EDEM2: variants seen among roughly 807,000 people sequenced by gnomAD.
EDEM2 encodes ER degradation enhancing alpha-mannosidase like protein 2.
EDEM2 carries 39 observed loss-of-function variants against 64.8 expected under a neutral mutation model. The ratio of observed to expected loss-of-function variants is 0.60; its 90% CI spans 0.47 to 0.79. EDEM2 has a LOEUF of 0.79. Ranked by LOEUF, EDEM2 falls within the 30% of genes least tolerant of loss-of-function variation. EDEM2 has a pLI of 0.00. For synonymous variants in EDEM2, 296 were observed against 291.5 expected (o/e 1.02, Z -0.16); for missense variants, 609 against 731.3 (o/e 0.83, Z 1.93).
intron 10 of EDEM2, among the ~76,000 whole-genome samples, chr20:35,118,214 A>G (rs1378129385): frequency 1.3e-5 from 2 of 152,226 alleles, no homozygotes; most frequent in Admixed American, 1.3e-4. Context: ...AAGGAGTCCC[A>G]GGTTTGAATA....
Position 35,144,987 on chromosome 20 carries a change from T to C in EDEM2, c.250A>G (p.Thr84Ala), listed in dbSNP as rs781256900. 1 of 1,613,980 alleles carries C rather than the reference T, an allele frequency of 6.2e-7. No homozygotes were observed. The highest frequency in any genetic ancestry group is 2.2e-5 in the East Asian group (1 of 44,882). ...FSLTLIDALD[T>A]LLILGNVSEF... ...ACAGACGAGATACTTACCAGCAAGG[T>C]GTCCAGTGCATCAATTAGAGTCAGA... Residue 84 changes from threonine to alanine, a missense_variant, in exon 3 of 11, where the codon ACC becomes GCC. Transcript: ENST00000374492.
Position 35,115,453 on chromosome 20 carries a change from C to G in EDEM2, c.1717G>C (p.Val573Leu). ...AGTGGTTATGAGGAGTCTAGGAAAA[C>G]CTGTCCCAGTAATGCCAACTTGGAG... ...FTSKLALLGQ[V>L]FLDSS Residue 573 changes from valine to leucine, a missense_variant, in exon 11 of 11, where the codon GTT becomes CTT. By Grantham distance (32) the Val-to-Leu change is conservative. Coordinates refer to ENST00000374492, the MANE Select transcript of EDEM2 (RefSeq NM_018217.3). 1 of 1,613,670 alleles carries G rather than the reference C, an allele frequency of 6.2e-7. No individual in the cohort carries two copies.
intron 2 of EDEM2, 34 bp downstream of exon 2, chr20:35,146,791 C>T (rs763302301): frequency 1.9e-6 from 3 of 1,606,064 alleles, no homozygotes; most frequent in Admixed American, 1.7e-5. Context: ...GAGAGTCAGA[C>T]CCTGGCCGCC....
At chr20:35,145,277 G>T (rs1320861707) in intron 2 of EDEM2, among the ~76,000 whole-genome samples, 1 of 152,162 alleles carries the variant, frequency 6.6e-6, no homozygotes, top group Admixed American at 6.5e-5. Context: ...CTCTACCATT[G>T]GGAGGCAGTA....
chr20:35,142,995 A>G (rs1195959931), intron 3 of EDEM2, among the ~76,000 whole-genome samples: 2 of 152,076 alleles, frequency 1.3e-5, no homozygotes, highest in African/African-American at 4.8e-5. Context: ...TGACCTCATG[A>G]TCCACCCGCC....
intron 6 of EDEM2, among the ~76,000 whole-genome samples, chr20:35,132,616 T>G (rs2085519983): frequency 6.6e-6 from 1 of 152,138 alleles, no homozygotes; most frequent in Non-Finnish European, 1.5e-5. Flanking sequence ...ATCGTGCCAC[T>G]GCACTCCAGC....
At chr20:35,125,447 C>T (rs929452629) in intron 8 of EDEM2, among the ~76,000 whole-genome samples, 10 of 151,894 alleles carry the variant, frequency 6.6e-5, no homozygotes, top group Admixed American at 2.0e-4. Flanking sequence ...TGCAGTGGCG[C>T]AATCTCAGCT....
In EDEM2 at chr20:35,134,190, G is replaced by A. The variant is rs767873874; in HGVS notation, c.702+548C>T. On this transcript the variant is annotated intron_variant, in intron 6 of 10. Coordinates refer to ENST00000374492, the MANE Select transcript of EDEM2 (RefSeq NM_018217.3). ...AAAGGGAAGCTCTGGTGTTAAATAA[G>A]TTTGGGAAATGTTAAATTAAACAAA... is the stretch of plus-strand genomic sequence containing the variant. The A allele has an allele frequency of 2.0e-4, 90 of 452,666 alleles. 1 individual carries two copies. The highest frequency in any genetic ancestry group is 1.4e-3 in the South Asian group (89 of 63,586). 28.0% of individuals were successfully genotyped at this position (452,666 alleles called of 1,614,324 possible).
At chr20:35,134,046 G>A (rs1052581913) in intron 6 of EDEM2, 4 of 454,928 alleles carry the variant, frequency 8.8e-6, no homozygotes, top group African/African-American at 6.0e-5. Flanking sequence ...TGTCCTGGAT[G>A]GCTTTGGCTC....
intron 4 of EDEM2, among the ~76,000 whole-genome samples, chr20:35,139,199 T>C (rs2085617922): frequency 6.6e-6 from 1 of 151,402 alleles, no homozygotes; most frequent in Admixed American, 6.6e-5. Context: ...AAATACAAAA[T>C]ATTAGCTGGG....
intron 7 of EDEM2, among the ~76,000 whole-genome samples, chr20:35,127,642 C>T (rs2085451402): frequency 6.6e-6 from 1 of 152,190 alleles, no homozygotes; most frequent in Admixed American, 6.5e-5. Flanking sequence ...ATGTTCAGAG[C>T]TTGGCACAAT....
intron 4 of EDEM2, among the ~76,000 whole-genome samples, chr20:35,138,912 G>T (rs1399612203): frequency 6.6e-6 from 1 of 152,094 alleles, no homozygotes; most frequent in African/African-American, 2.4e-5. Context: ...AGACACAAAG[G>T]TTCTTGGAAA....
Position 35,147,201 on chromosome 20 carries a change from G to A in EDEM2, c.58C>T (p.His20Tyr). ...GLLCALLPQH[H>Y]GAPGPDGSAP... ...GAGCCGTCGGGACCTGGCGCACCAT[G>A]GTGCTGAGGCAGCAGCGCGCACAGG... Residue 20 changes from histidine to tyrosine, a missense_variant, in exon 1 of 11, where the codon CAT becomes TAT. His to Tyr is a moderately conservative substitution (Grantham distance 83). Transcript: ENST00000374492. 1 of 1,603,388 alleles carries A rather than the reference G, an allele frequency of 6.2e-7. No homozygotes were observed. The highest frequency in any genetic ancestry group is 1.3e-5 in the African/African-American group (1 of 74,826).
In EDEM2 at chr20:35,134,982, G is replaced by A. The variant is rs371582247; in HGVS notation, c.491-33C>T. 29 of 1,605,492 alleles carry A rather than the reference G, an allele frequency of 1.8e-5. No individual in the cohort carries two copies. In the African/African-American group the frequency reaches 2.9e-4, roughly 16 times the overall value. On this transcript the variant is annotated intron_variant, in intron 5 of 10. Coordinates refer to ENST00000374492, the MANE Select transcript of EDEM2 (RefSeq NM_018217.3). ...ATCGACAAATTATGATCCCGGACAG[G>A]AGCAGGGGGATAGGGATAGTTCTGA...
In EDEM2 at chr20:35,115,941, G is replaced by A. The variant is rs773689532; in HGVS notation, c.1237-8C>T. ...GTCTCGCAGATCTTTGATCTGACAT[G>A]TGGGAGAAGGAAGCAAGCTGGAACA... is the stretch of plus-strand genomic sequence containing the variant. On this transcript the variant is annotated splice_region_variant and splice_polypyrimidine_tract_variant and intron_variant, in intron 10 of 10. Coordinates refer to ENST00000374492, the MANE Select transcript of EDEM2 (RefSeq NM_018217.3). The A allele has an allele frequency of 2.5e-6, 4 of 1,610,954 alleles. No homozygotes were observed. Among genetic ancestry groups the A allele is most frequent in the East Asian group, 2.2e-5 (1 of 44,850 alleles).
chr20:35,134,644 C>T, intron 6 of EDEM2, 94 bp downstream of exon 6: 1 of 1,414,124 alleles, frequency 7.1e-7, no homozygotes, highest in South Asian at 1.3e-5. Context: ...CCCAAGGTCA[C>T]CCTAAGTTTT....
Position 35,123,984 on chromosome 20 carries a change from G to A in EDEM2, c.1020C>T (p.Tyr340=), listed in dbSNP as rs773206850. The A allele has an allele frequency of 1.2e-6, 2 of 1,614,170 alleles. No individual in the cohort carries two copies. The highest frequency in any genetic ancestry group is 2.2e-5 in the South Asian group (2 of 91,090). The change falls in exon 9 of 11, where the codon TAC becomes TAT. Residue 340 remains tyrosine, a synonymous_variant. Coordinates refer to ENST00000374492, the MANE Select transcript of EDEM2 (RefSeq NM_018217.3). ...GCCCCCCAAACTGCTTCCATACAGT[G>A]TAGTAGTTGAGGAAGGTCCTCATGG... ...DNAMRTFLNY[Y]TVWKQFGGLP... is the part of the protein sequence containing the mutation.
intron 10 of EDEM2, 34 bp downstream of exon 10, chr20:35,118,564 T>C (rs2085334345): frequency 6.2e-7 from 1 of 1,613,456 alleles, no homozygotes; most frequent in Non-Finnish European, 8.5e-7. Context: ...AAGGGGAGAC[T>C]CTTCCCAGTT....
intron 10 of EDEM2, chr20:35,118,358 C>T (rs755349665): frequency 4.0e-5 from 20 of 503,390 alleles, no homozygotes; most frequent in African/African-American, 2.4e-4. Context: ...TGCCAAGGGC[C>T]GGGGTCAAGA....
Sources: gnomAD v4.1 joint callset for allele counts (sites outside exome capture counted in the v4.1 genomes callset) on GRCh38, gnomAD v4.1.1 for gene constraint, MANE v1.5 for transcripts, NCBI Gene and HGNC (gene_info 2026-07-23, HGNC 2026-07-21) for gene names.